Variants in CNTLN observed in about 807,000 individuals in gnomAD.
CNTLN encodes centlein, also known as centlein, centrosomal protein.
In CNTLN, 212 loss-of-function variants were observed where a neutral mutation model predicts 180.0. That is an observed-to-expected ratio of 1.18 (90% CI 1.05 to 1.32). CNTLN has a LOEUF of 1.32. CNTLN is among the 40% of genes most tolerant of loss of function. The pLI is 0.00. For synonymous variants in CNTLN, 722 were observed against 563.1 expected, an observed-to-expected ratio of 1.28 and a Z score of -3.99; for missense variants, 2,095 against 1,610.9, an observed-to-expected ratio of 1.30 and a Z score of -5.14.
intron 6 of CNTLN, among the ~76,000 whole-genome samples, chr9:17,296,859 C>T (rs1817981107): frequency 6.6e-6 from 1 of 152,204 alleles, no homozygotes; most frequent in South Asian, 2.1e-4. Context: ...TTCTAAATCT[C>T]TAAGGAGCGG....
intron 2 of CNTLN, among the ~76,000 whole-genome samples, chr9:17,180,852 C>T (rs1011487677): frequency 6.6e-6 from 1 of 151,840 alleles, no homozygotes; most frequent in Admixed American, 6.6e-5. Flanking sequence ...TCTTTTCTTT[C>T]GGTATTTGAA....
At chr9:17,444,395 A>G (rs890325089) in intron 18 of CNTLN, 22 of 152,322 alleles carry the variant, frequency 1.4e-4, no homozygotes, top group Admixed American at 5.9e-4. Flanking sequence ...TGTCACCTAC[A>G]TGAGTAATTG....
At chr9:17,143,619 A>G (rs1333013954) in intron 2 of CNTLN, among the ~76,000 whole-genome samples, 1 of 152,126 alleles carries the variant, frequency 6.6e-6, no homozygotes, top group Non-Finnish European at 1.5e-5. Flanking sequence ...AGATAAAACT[A>G]TGTCTTAAAT....
intron 2 of CNTLN, among the ~76,000 whole-genome samples, chr9:17,221,275 G>T (rs929940626): frequency 1.3e-5 from 2 of 151,920 alleles, no homozygotes; most frequent in Admixed American, 1.3e-4. Flanking sequence ...TAAAATAGTT[G>T]TATAAATCAA....
chr9:17,140,301 C>T (rs1454911198), intron 1 of CNTLN, among the ~76,000 whole-genome samples: 3 of 152,104 alleles, frequency 2.0e-5, no homozygotes, highest in African/African-American at 7.2e-5. Flanking sequence ...AAAGAATTTA[C>T]TGTTTTTCAT....
chr9:17,206,120 A>G (rs1822902647), intron 2 of CNTLN, among the ~76,000 whole-genome samples: 1 of 152,172 alleles, frequency 6.6e-6, no homozygotes, highest in Non-Finnish European at 1.5e-5. Flanking sequence ...AGAGGCTGCC[A>G]GGAATGGGCT....
At chr9:17,174,854 GTATAGTT>G in intron 2 of CNTLN, among the ~76,000 whole-genome samples, 1 of 152,326 alleles carries the variant, frequency 6.6e-6, no homozygotes, top group African/African-American at 2.4e-5. Flanking sequence ...TTCTGCTGAT[GTATAGTT>G]ATACCTCATT....
At chr9:17,222,051 G>C (rs909756060) in intron 2 of CNTLN, among the ~76,000 whole-genome samples, 10 of 151,906 alleles carry the variant, frequency 6.6e-5, no homozygotes, top group African/African-American at 2.2e-4. Context: ...TGCATTATCA[G>C]TGTCTCTCAC....
At chr9:17,254,763 T>C (rs2132303211) in intron 5 of CNTLN, among the ~76,000 whole-genome samples, 1 of 151,822 alleles carries the variant, frequency 6.6e-6, no homozygotes, top group Non-Finnish European at 1.5e-5. Flanking sequence ...TTGCTGTGGC[T>C]GTTTGGGGTT....
chr9:17,146,635 A>T (rs1346053254), intron 2 of CNTLN, among the ~76,000 whole-genome samples: 2 of 152,108 alleles, frequency 1.3e-5, no homozygotes, highest in African/African-American at 2.4e-5. Flanking sequence ...TGGTGCCTTG[A>T]TCTTGGACTT....
At chr9:17,358,188 T>C (rs1823001808) in intron 12 of CNTLN, among the ~76,000 whole-genome samples, 1 of 152,092 alleles carries the variant, frequency 6.6e-6, no homozygotes, top group Admixed American at 6.5e-5. Context: ...TGCAGCAGTT[T>C]GGTAATAGTG....
chr9:17,338,121 C>CTTCT (rs1821175098), intron 10 of CNTLN, among the ~76,000 whole-genome samples: 1 of 139,552 alleles, frequency 7.2e-6, no homozygotes, highest in South Asian at 2.5e-4. Flanking sequence ...TCCCTCCCTC[C>CTTCT]TTCTTTCCTT....
intron 18 of CNTLN, among the ~76,000 whole-genome samples, chr9:17,432,213 A>C (rs1399295006): frequency 6.6e-6 from 1 of 152,198 alleles, no homozygotes; most frequent in African/African-American, 2.4e-5. Context: ...AAAACAAAAA[A>C]CAAAATCCTT....
chr9:17,155,748 C>A (rs1586940346), intron 2 of CNTLN, among the ~76,000 whole-genome samples: 1 of 152,002 alleles, frequency 6.6e-6, no homozygotes, highest in Non-Finnish European at 1.5e-5. Context: ...TTCATGGCTT[C>A]TCTCTGGCTT....
the CNTLN span, among the ~76,000 whole-genome samples, chr9:17,516,941 C>A: frequency 1.3e-5 from 2 of 152,158 alleles, no homozygotes; most frequent in African/African-American, 4.8e-5. Context: ...GGAAAGGAAT[C>A]TTTCTATCTC....
chr9:17,338,388 G>T (rs1335977024), intron 10 of CNTLN, among the ~76,000 whole-genome samples: 1 of 133,012 alleles, frequency 7.5e-6, no homozygotes, highest in Non-Finnish European at 1.6e-5. Flanking sequence ...GGCCAGTCCG[G>T]TCTCAAACTC....
rs539321017 is a variant in CNTLN at position 17,468,431 on chromosome 9, T to A, written c.3855+1540T>A. Among the ~76,000 whole-genome samples the A allele has an allele frequency of 4.0e-5, 6 of 151,814 alleles. No individual in the cohort carries two copies. In the South Asian group the frequency reaches 1.0e-3, roughly 26 times the overall value. On this transcript the variant is annotated intron_variant, in intron 23 of 25. Transcript: ENST00000380647. Reference sequence around the variant, plus strand: ...TATATAGTCATTATTTTACTCATGATGTAGAACCATTTTTATTATGAGTAT... The same window carrying A: ...TATATAGTCATTATTTTACTCATGAAGTAGAACCATTTTTATTATGAGTAT...
intron 10 of CNTLN, among the ~76,000 whole-genome samples, chr9:17,335,409 C>G (rs991328879): frequency 6.6e-6 from 1 of 152,054 alleles, no homozygotes; most frequent in Non-Finnish European, 1.5e-5. Context: ...CCCAGCTACT[C>G]AGGGGGCTGA....
chr9:17,318,052 G>T (rs1442458446), intron 8 of CNTLN, among the ~76,000 whole-genome samples: 1 of 149,798 alleles, frequency 6.7e-6, no homozygotes, highest in East Asian at 1.9e-4. Context: ...TTTTGAGAAG[G>T]AGTCTCACTC....
Sources: allele counts gnomAD v4.1 joint callset (sites outside exome capture counted in the v4.1 genomes callset), GRCh38; gene constraint gnomAD v4.1.1; transcripts MANE v1.5; gene names NCBI Gene and HGNC (gene_info 2026-07-23, HGNC 2026-07-21).